Variants in HPSE2 observed in about 807,000 individuals in gnomAD.
HPSE2 encodes the protein inactive heparanase-2.
HPSE2 carries 38 observed loss-of-function variants against 60.5 expected under a neutral mutation model. The observed-to-expected ratio is 0.63, with a 90% confidence interval of 0.48 to 0.82. The LOEUF (loss-of-function observed/expected upper bound fraction) is 0.82, where lower values mean the gene tolerates loss of function less well. Among genes scored for constraint, HPSE2 ranks in the 40% least tolerant of loss-of-function variants. The pLI, the probability that HPSE2 is intolerant of heterozygous loss-of-function variation, is 0.00. For missense variants in HPSE2, 713 were observed against 740.4 expected, an observed-to-expected ratio of 0.96 and a Z score of 0.43; for synonymous variants, 295 against 293.2, an observed-to-expected ratio of 1.01 and a Z score of -0.06.
At chr10:99,077,574 G>C (rs12268187) in intron 3 of HPSE2, among the ~76,000 whole-genome samples, 1 of 151,764 alleles carries the variant, frequency 6.6e-6, no homozygotes, top group Non-Finnish European at 1.5e-5. Flanking sequence ...CTGTGTGTGA[G>C]TGTATGTGTG....
chr10:98,528,979 C>A (rs1394877040), intron 9 of HPSE2, among the ~76,000 whole-genome samples: 1 of 152,306 alleles, frequency 6.6e-6, no homozygotes, highest in East Asian at 1.9e-4. Context: ...TGGTAACAAC[C>A]GCAAACCACT....
chr10:98,926,330 G>C (rs1954461210), intron 3 of HPSE2, among the ~76,000 whole-genome samples: 1 of 152,068 alleles, frequency 6.6e-6, no homozygotes, highest in Admixed American at 6.6e-5. Flanking sequence ...ACAAGTAGGA[G>C]ACAAAATTAA....
At chr10:98,675,300 GA>G (rs2134121700) in intron 6 of HPSE2, among the ~76,000 whole-genome samples, 1 of 152,204 alleles carries the variant, frequency 6.6e-6, no homozygotes, top group South Asian at 2.1e-4. Context: ...TGTAAAAGCT[GA>G]AATTCAGTGC....
chr10:99,052,614 CA>C (rs1958016281), intron 3 of HPSE2, among the ~76,000 whole-genome samples: 1 of 151,954 alleles, frequency 6.6e-6, no homozygotes, highest in Admixed American at 6.6e-5. Flanking sequence ...CCACACACAG[CA>C]CATAGTAAAA....
intron 3 of HPSE2, among the ~76,000 whole-genome samples, chr10:99,102,898 C>A (rs578169737): frequency 4.6e-5 from 7 of 152,196 alleles, no homozygotes; most frequent in Admixed American, 1.3e-4. Flanking sequence ...ATTATCTCAA[C>A]AGATGCAGAA....
chr10:99,042,821 T>C (rs1045926270), intron 3 of HPSE2, among the ~76,000 whole-genome samples: 1 of 152,018 alleles, frequency 6.6e-6, no homozygotes, highest in African/African-American at 2.4e-5. Context: ...GGGTCACCTC[T>C]CTCCACACTG....
chr10:98,966,160 G>A (rs550654115), intron 3 of HPSE2, among the ~76,000 whole-genome samples: 17 of 152,250 alleles, frequency 1.1e-4, no homozygotes, highest in African/African-American at 3.6e-4. Flanking sequence ...CAAAGTGCTG[G>A]GCTTACAGGC....
chr10:99,160,824 G>A (rs1419036101), intron 2 of HPSE2, among the ~76,000 whole-genome samples: 2 of 146,340 alleles, frequency 1.4e-5, no homozygotes, highest in African/African-American at 2.5e-5. Flanking sequence ...GTGTGAACCC[G>A]GGAGGCGGAG....
intron 4 of HPSE2, among the ~76,000 whole-genome samples, chr10:98,722,098 C>G (rs562066478): frequency 6.6e-6 from 1 of 150,876 alleles, no homozygotes; most frequent in Non-Finnish European, 1.5e-5. Flanking sequence ...TACTTCATAA[C>G]GAATTGTATA....
chr10:98,698,840 C>T (rs965710004), intron 5 of HPSE2, among the ~76,000 whole-genome samples: 4 of 152,170 alleles, frequency 2.6e-5, no homozygotes, highest in Non-Finnish European at 5.9e-5. Context: ...ATACAAACTA[C>T]CATCAGAGAC....
intron 3 of HPSE2, among the ~76,000 whole-genome samples, chr10:98,778,264 C>CAG (rs143885408): frequency 0.032 from 3,621 of 112,684 alleles, 293 homozygotes; most frequent in African/African-American, 0.11. Flanking sequence ...GAGAGAGAGA[C>CAG]AGAGAGAGAG....
the HPSE2 span, among the ~76,000 whole-genome samples, chr10:99,285,390 A>C: frequency 6.6e-6 from 1 of 150,396 alleles, no homozygotes; most frequent in Non-Finnish European, 1.5e-5. Context: ...TGAGTGTGCC[A>C]CTGCACTCCA....
At chr10:98,727,062 T>G (rs1279514666) in intron 4 of HPSE2, among the ~76,000 whole-genome samples, 1 of 148,064 alleles carries the variant, frequency 6.8e-6, no homozygotes, top group Non-Finnish European at 1.5e-5. Context: ...CCAGGAGACT[T>G]GTCTTAACAA....
the HPSE2 span, among the ~76,000 whole-genome samples, chr10:99,279,876 C>T: frequency 0.86 from 130,300 of 152,240 alleles, 56,129 homozygotes; most frequent in African/African-American, 0.92. Flanking sequence ...CGTGACTTTC[C>T]TGAAAAATCC....
intron 9 of HPSE2, among the ~76,000 whole-genome samples, chr10:98,494,717 T>C (rs1255975170): frequency 2.0e-5 from 3 of 152,232 alleles, no homozygotes; most frequent in Non-Finnish European, 2.9e-5. Context: ...TCTTGATACA[T>C]TGTGTGTCCC....
intron 2 of HPSE2, among the ~76,000 whole-genome samples, chr10:99,188,677 G>A (rs1589798297): frequency 6.6e-6 from 1 of 152,200 alleles, no homozygotes; most frequent in African/African-American, 2.4e-5. Context: ...ACTGTAATAA[G>A]AGAATGTTTG....
At position 99,229,498 on chromosome 10, in the gene HPSE2, T is replaced by C. The variant is rs141016311; in HGVS notation, c.448+2850A>G. Among the ~76,000 whole-genome samples, 11 of 152,322 alleles carry C rather than the reference T, an allele frequency of 7.2e-5. No individual in the cohort carries two copies. In the East Asian group the frequency reaches 2.1e-3, roughly 29 times the overall value. ...TTTAATGAATGTAAGAATCCTTACCTTTCTTATAGTGTTGTGCAGTCAAAA... is the reference window on the plus strand; with the variant it reads ...TTTAATGAATGTAAGAATCCTTACCCTTCTTATAGTGTTGTGCAGTCAAAA... On this transcript the variant is annotated intron_variant, in intron 2 of 11. Transcript: ENST00000370552.
chr10:98,908,277 C>G (rs1382170060), intron 3 of HPSE2, among the ~76,000 whole-genome samples: 1 of 152,106 alleles, frequency 6.6e-6, no homozygotes, highest in Non-Finnish European at 1.5e-5. Flanking sequence ...GAGCTGGTGC[C>G]ACATTTTGAA....
At chr10:98,906,702 G>T (rs1478212859) in intron 3 of HPSE2, among the ~76,000 whole-genome samples, 1 of 152,050 alleles carries the variant, frequency 6.6e-6, no homozygotes, top group East Asian at 1.9e-4. Context: ...TCAAGAGATC[G>T]AGACCATTCT....
Sources: allele counts gnomAD v4.1 joint callset (sites outside exome capture counted in the v4.1 genomes callset), GRCh38; gene constraint gnomAD v4.1.1; transcripts MANE v1.5; gene names NCBI Gene and HGNC (gene_info 2026-07-23, HGNC 2026-07-21).